The following ZNF385D variants were observed in gnomAD, a reference collection of about 807,000 sequenced individuals.
The protein encoded by ZNF385D is zinc finger protein 385D.
Under a neutral mutation model 35.8 loss-of-function variants are expected in ZNF385D, and 15 were observed. That is an observed-to-expected ratio of 0.42 (90% CI 0.28 to 0.64). ZNF385D has a LOEUF of 0.64. Ranked by LOEUF, ZNF385D falls within the 30% of genes least tolerant of loss-of-function variation. The probability of loss-of-function intolerance (pLI) is 0.23; values close to 1 mark genes in which losing one functional copy is unlikely to be tolerated. For synonymous variants in ZNF385D, 212 were observed against 186.8 expected (o/e 1.13, Z -1.10); for missense variants, 474 against 494.6 (o/e 0.96, Z 0.39).
chr3:22,083,770 C>T (rs1467747742), intron 3 of ZNF385D, among the ~76,000 whole-genome samples: 1 of 152,070 alleles, frequency 6.6e-6, no homozygotes, highest in Non-Finnish European at 1.5e-5. Flanking sequence ...ATCCCTAAGA[C>T]ACATAATTGT....
At chr3:21,457,287 C>T (rs1702882360) in intron 4 of ZNF385D, among the ~76,000 whole-genome samples, 1 of 152,086 alleles carries the variant, frequency 6.6e-6, no homozygotes, top group African/African-American at 2.4e-5. Flanking sequence ...ATTATTGCAT[C>T]ATTTCATTCA....
intron 2 of ZNF385D, among the ~76,000 whole-genome samples, chr3:22,171,406 G>A (rs993519794): frequency 2.0e-5 from 3 of 152,128 alleles, no homozygotes; most frequent in Non-Finnish European, 4.4e-5. Flanking sequence ...GCTTACACAT[G>A]AGAAATTCCC....
chr3:21,522,340 T>A (rs2125504592), intron 3 of ZNF385D, among the ~76,000 whole-genome samples: 1 of 152,178 alleles, frequency 6.6e-6, no homozygotes, highest in South Asian at 2.1e-4. Context: ...TGCTTTTGTT[T>A]TAACTTTTTT....
At chr3:21,847,869 A>G (rs762768603) in intron 3 of ZNF385D, among the ~76,000 whole-genome samples, 1 of 151,998 alleles carries the variant, frequency 6.6e-6, no homozygotes, top group Non-Finnish European at 1.5e-5. Flanking sequence ...CACTTTCACA[A>G]TGTTTCAGTG....
intron 2 of ZNF385D, among the ~76,000 whole-genome samples, chr3:22,316,034 C>G (rs889536336): frequency 2.0e-5 from 3 of 152,160 alleles, no homozygotes; most frequent in Admixed American, 6.5e-5. Context: ...TAAGATTGGT[C>G]TCCTGAGATG....
chr3:21,545,042 G>A (rs1439002808), intron 3 of ZNF385D, among the ~76,000 whole-genome samples: 1 of 152,160 alleles, frequency 6.6e-6, no homozygotes, highest in East Asian at 1.9e-4. Flanking sequence ...AATTGTATGG[G>A]ATTTCTAAAA....
Position 21,564,605 on chromosome 3 carries a change from CATGAT to C in ZNF385D, c.240_244del (p.Ile80MetfsTer9). ...ATTAAATCTCAACTGGCAAATGTTG[CATGAT>C]ATGATTTGCTTTCTTCGGTGGGGAA... On this transcript the variant is annotated frameshift_variant, in exon 3 of 8. Transcript: ENST00000281523. LOFTEE classifies it high-confidence loss of function. 6.4e-7 allele frequency: 1 copy of C among 1,562,030 alleles called. No individual in the cohort carries two copies.
At position 21,488,241 on chromosome 3, in the gene ZNF385D, T is replaced by A. The variant is rs567151335; in HGVS notation, c.439+22620A>T. The stretch of plus-strand genomic sequence containing the variant: ...TTACAATTGTTGATAAGATTTCTTC[T>A]AATCTTGCAGTAAAGGCAAAAATGG... On this transcript the variant is annotated intron_variant, in intron 4 of 7. Coordinates refer to ENST00000281523, the MANE Select transcript of ZNF385D (RefSeq NM_024697.3). Among the ~76,000 whole-genome samples the A allele has an allele frequency of 5.3e-5, 8 of 152,114 alleles. No individual in the cohort carries two copies. The East Asian group carries it at 1.2e-3, about 22-fold the overall frequency.
intron 2 of ZNF385D, among the ~76,000 whole-genome samples, chr3:22,171,958 G>A (rs1441722964): frequency 6.6e-6 from 1 of 151,612 alleles, no homozygotes; most frequent in South Asian, 2.1e-4. Context: ...TGAAGTAGGA[G>A]GCAATATTCG....
intron 1 of ZNF385D, among the ~76,000 whole-genome samples, chr3:21,724,662 G>A (rs1415246928): frequency 3.9e-5 from 6 of 151,954 alleles, no homozygotes; most frequent in African/African-American, 1.5e-4. Flanking sequence ...ACCCAGGACA[G>A]GAGCACCCAG....
In ZNF385D at chr3:21,805,951, G is replaced by C. The variant is rs145567511; in HGVS notation, c.326-140923C>G. ...TAGACTACAAGATGGCAATCTGGGA[G>C]AGGTCACTTTCAGAGTGCTTTGGAT... is the stretch of plus-strand genomic sequence containing the variant. On this transcript the variant is annotated intron_variant, in intron 3 of 5. Transcript: ENST00000494108. Among the ~76,000 whole-genome samples the C allele has an allele frequency of 3.5e-3, 531 of 152,308 alleles. 4 individuals are homozygous for C. The highest frequency in any genetic ancestry group is 0.012 in the African/African-American group (497 of 41,580).
At chr3:21,743,699 C>T (rs2069628489) in intron 1 of ZNF385D, among the ~76,000 whole-genome samples, 1 of 152,170 alleles carries the variant, frequency 6.6e-6, no homozygotes, top group Non-Finnish European at 1.5e-5. Context: ...AATTACCTCC[C>T]ACAGGCCCCA....
At chr3:21,847,511 A>G (rs1696087165) in intron 3 of ZNF385D, among the ~76,000 whole-genome samples, 1 of 152,096 alleles carries the variant, frequency 6.6e-6, no homozygotes. Context: ...GGATCTTCTT[A>G]ACCTCTTGAC....
rs1703468891 is a variant in ZNF385D at position 21,465,701 on chromosome 3, A to G, written c.440-28498T>C. Among the ~76,000 whole-genome samples the G allele has an allele frequency of 6.6e-6, 1 of 152,146 alleles. No homozygotes were observed. The highest frequency in any genetic ancestry group is 2.4e-5 in the African/African-American group (1 of 41,420). On this transcript the variant is annotated intron_variant, in intron 4 of 7. Transcript: ENST00000281523. This position sits in a 1 kb window ranked among gnomAD's most constrained non-coding sequence, Gnocchi z 4.2. ...CTCTGCTTCTTCCTTTCCTGTGAAAATTCACCTGTGTGAATTTACAACATT... is the reference window on the plus strand; with the variant it reads ...CTCTGCTTCTTCCTTTCCTGTGAAAGTTCACCTGTGTGAATTTACAACATT...
intron 2 of ZNF385D, among the ~76,000 whole-genome samples, chr3:22,178,735 T>C (rs1695010053): frequency 6.6e-6 from 1 of 152,232 alleles, no homozygotes; most frequent in Non-Finnish European, 1.5e-5. Flanking sequence ...CATGTAAGTC[T>C]TTAATTATCT....
intron 3 of ZNF385D, among the ~76,000 whole-genome samples, chr3:21,813,990 T>A (rs1175198378): frequency 1.3e-5 from 2 of 152,288 alleles, no homozygotes; most frequent in East Asian, 3.9e-4. Context: ...CCCATCAGAC[T>A]AACAGCAGAT....
intron 3 of ZNF385D, among the ~76,000 whole-genome samples, chr3:21,533,779 C>T (rs1003515303): frequency 1.3e-5 from 2 of 152,054 alleles, no homozygotes; most frequent in Non-Finnish European, 1.5e-5. Flanking sequence ...ATTTGATGGA[C>T]ATCCATGTTC....
At chr3:22,017,117 T>C (rs1696941586) in intron 3 of ZNF385D, among the ~76,000 whole-genome samples, 1 of 152,114 alleles carries the variant, frequency 6.6e-6, no homozygotes, top group South Asian at 2.1e-4. Flanking sequence ...TCAGATTTTA[T>C]ATAGGTTAAC....
chr3:21,730,153 A>G (rs1192584145), intron 1 of ZNF385D, among the ~76,000 whole-genome samples: 1 of 152,230 alleles, frequency 6.6e-6, no homozygotes, highest in African/African-American at 2.4e-5. Flanking sequence ...CCTAATAGGC[A>G]CAAGAAGTTG....
Sources: gnomAD v4.1 joint callset for allele counts (sites outside exome capture counted in the v4.1 genomes callset) on GRCh38, gnomAD v4.1.1 for gene constraint, Gnocchi (gnomAD v3.1) non-coding constraint, MANE v1.5 for transcripts, NCBI Gene and HGNC (gene_info 2026-07-23, HGNC 2026-07-21) for gene names.